NRG3: variants seen among roughly 807,000 people sequenced by gnomAD.
NRG3 encodes neuregulin 3, also known as pro-neuregulin-3, membrane-bound isoform.
A neutral mutation model predicts 66.9 loss-of-function variants in NRG3; 31 were observed. That is an observed-to-expected ratio of 0.46 (90% confidence interval 0.35 to 0.63). The LOEUF (loss-of-function observed/expected upper bound fraction) is 0.63. Ranked by LOEUF, NRG3 falls within the 20% of genes least tolerant of loss-of-function variation. The pLI, the probability that NRG3 is intolerant of heterozygous loss-of-function variation, is 0.00. For synonymous variants in NRG3, 393 were observed against 359.4 expected, an observed-to-expected ratio of 1.09 and a Z score of -1.06; for missense variants, 910 against 878.9, an observed-to-expected ratio of 1.04 and a Z score of -0.45.
intron 1 of NRG3, among the ~76,000 whole-genome samples, chr10:81,905,767 T>C (rs1204760435): frequency 1.3e-5 from 2 of 152,198 alleles, no homozygotes; most frequent in Admixed American, 1.3e-4. Context: ...CCTCACACTA[T>C]GGCTAGATTG....
At chr10:82,574,275 T>G (rs1167022682) in intron 2 of NRG3, among the ~76,000 whole-genome samples, 1 of 151,754 alleles carries the variant, frequency 6.6e-6, no homozygotes, top group Non-Finnish European at 1.5e-5. Context: ...TCAAGTGAAA[T>G]AAGCCAGGCA....
At chr10:82,172,218 T>C (rs769055968) in intron 1 of NRG3, among the ~76,000 whole-genome samples, 14 of 152,248 alleles carry the variant, frequency 9.2e-5, no homozygotes, top group Middle Eastern at 3.4e-3. Flanking sequence ...CCTGCGCTCA[T>C]TGCTCTTTTT....
At chr10:82,793,441 G>A (rs1022356388) in intron 3 of NRG3, among the ~76,000 whole-genome samples, 27 of 152,100 alleles carry the variant, frequency 1.8e-4, no homozygotes, top group African/African-American at 6.5e-4. Flanking sequence ...CTCATTTTAA[G>A]TCTCTGGCTG....
chr10:82,399,541 A>G (rs965028715), intron 2 of NRG3, among the ~76,000 whole-genome samples: 2 of 152,296 alleles, frequency 1.3e-5, no homozygotes, highest in African/African-American at 2.4e-5. Context: ...GGGTGCCTAC[A>G]TGGCCTGGTT....
chr10:82,412,926 G>A (rs1469122871), intron 2 of NRG3, among the ~76,000 whole-genome samples: 1 of 152,156 alleles, frequency 6.6e-6, no homozygotes, highest in Non-Finnish European at 1.5e-5. Flanking sequence ...ATTCAATCAT[G>A]TCTTCCTGCT....
intron 2 of NRG3, among the ~76,000 whole-genome samples, chr10:82,477,688 G>A (rs1841904228): frequency 6.6e-6 from 1 of 152,100 alleles, no homozygotes; most frequent in African/African-American, 2.4e-5. Flanking sequence ...ACTCTGGGAA[G>A]ACAATTTGGC....
At chr10:82,633,892 G>T (rs1002120115) in intron 2 of NRG3, among the ~76,000 whole-genome samples, 1 of 152,112 alleles carries the variant, frequency 6.6e-6, no homozygotes, top group Non-Finnish European at 1.5e-5. Context: ...TAAGTGTTGT[G>T]TGTCCTTAAC....
At chr10:82,441,495 TCA>T (rs2090429721) in intron 2 of NRG3, among the ~76,000 whole-genome samples, 1 of 152,208 alleles carries the variant, frequency 6.6e-6, no homozygotes, top group Non-Finnish European at 1.5e-5. Flanking sequence ...TTCGGAAACT[TCA>T]TTTTCACATG....
intron 1 of NRG3, among the ~76,000 whole-genome samples, chr10:82,231,700 TA>T (rs1450059878): frequency 6.6e-6 from 1 of 152,100 alleles, no homozygotes. Flanking sequence ...GAAGAAAACA[TA>T]TTAGTTGCAG....
intron 3 of NRG3, among the ~76,000 whole-genome samples, chr10:82,821,473 G>C (rs1265654070): frequency 6.7e-6 from 1 of 150,098 alleles, no homozygotes; most frequent in African/African-American, 2.5e-5. Context: ...TGCATAGTCT[G>C]GTTGAGTGAA....
At chr10:82,472,093 C>A (rs1841322739) in intron 2 of NRG3, among the ~76,000 whole-genome samples, 1 of 151,950 alleles carries the variant, frequency 6.6e-6, no homozygotes, top group Non-Finnish European at 1.5e-5. Flanking sequence ...CTGTCTCTTG[C>A]TCCTATGTAA....
At chr10:82,021,783 AGTATGTGT>A (rs200283940) in intron 1 of NRG3, among the ~76,000 whole-genome samples, 2,431 of 146,490 alleles carry the variant, frequency 0.017, 64 homozygotes, top group African/African-American at 0.029. Flanking sequence ...TTGGGCATGT[AGTATGTGT>A]GTGTGTGTGT....
At chr10:82,447,095 G>C (rs971541030) in intron 2 of NRG3, among the ~76,000 whole-genome samples, 7 of 152,122 alleles carry the variant, frequency 4.6e-5, no homozygotes, top group African/African-American at 1.7e-4. Context: ...GTTTACCAGG[G>C]CTGTTGTTGC....
At chr10:81,988,509 G>A (rs1327177789) in intron 1 of NRG3, among the ~76,000 whole-genome samples, 4 of 152,154 alleles carry the variant, frequency 2.6e-5, no homozygotes, top group Non-Finnish European at 5.9e-5. Flanking sequence ...GAATCAGGAA[G>A]CTTTGTCCAG....
chr10:81,913,829 T>A (rs1279228858), intron 1 of NRG3, among the ~76,000 whole-genome samples: 1 of 152,158 alleles, frequency 6.6e-6, no homozygotes, highest in Non-Finnish European at 1.5e-5. Flanking sequence ...GAGATCACAC[T>A]TTTACTCCAG....
chr10:81,882,470 T>C (rs1842266712), intron 1 of NRG3, among the ~76,000 whole-genome samples: 1 of 152,202 alleles, frequency 6.6e-6, no homozygotes, highest in South Asian at 2.1e-4. Context: ...TATATTTCTA[T>C]ATAAAACCTC....
rs549272820 is a variant in NRG3 at position 82,634,777 on chromosome 10, C to T, written c.954-103800C>T. Among the ~76,000 whole-genome samples the T allele has an allele frequency of 3.3e-4, 51 of 152,314 alleles. No homozygotes were observed. In the South Asian group the frequency reaches 0.01, roughly 30 times the overall value. On this transcript the variant is annotated intron_variant, in intron 2 of 8. Coordinates refer to ENST00000372141, the MANE Select transcript of NRG3 (RefSeq NM_001010848.4). ...ATGTTATTCACCACATCATTAATTA[C>T]TCACTTTTCCTCCATATGCAGGTCA...
At chr10:82,218,867 G>A (rs899535330) in intron 1 of NRG3, among the ~76,000 whole-genome samples, 3 of 152,134 alleles carry the variant, frequency 2.0e-5, no homozygotes, top group Non-Finnish European at 2.9e-5. Context: ...AGAGTTAGAC[G>A]AAGGATAGAT....
chr10:82,228,413 G>A (rs538705403), intron 1 of NRG3, among the ~76,000 whole-genome samples: 2 of 152,040 alleles, frequency 1.3e-5, no homozygotes, highest in Non-Finnish European at 2.9e-5. Flanking sequence ...TTGTGGTCAT[G>A]TTTTTAGTGG....
Sources: allele counts gnomAD v4.1 joint callset (sites outside exome capture counted in the v4.1 genomes callset), GRCh38; gene constraint gnomAD v4.1.1; transcripts MANE v1.5; gene names NCBI Gene and HGNC (gene_info 2026-07-23, HGNC 2026-07-21).